The following COL25A1 variants were observed in gnomAD, a reference collection of about 807,000 sequenced individuals.
COL25A1 encodes the protein collagen type XXV alpha 1 chain, also known as collagen alpha-1(XXV) chain.
COL25A1 carries 103 observed loss-of-function variants against 128.4 expected under a neutral mutation model. That is an observed-to-expected ratio of 0.80 (90% CI 0.68 to 0.94). The LOEUF (loss-of-function observed/expected upper bound fraction) is 0.94. Among genes scored for constraint, COL25A1 ranks in the 40% least tolerant of loss-of-function variants. COL25A1 has a pLI of 0.00. For synonymous variants in COL25A1, 279 were observed against 277.2 expected, an observed-to-expected ratio of 1.01 and a Z score of -0.06; for missense variants, 745 against 840.0, an observed-to-expected ratio of 0.89 and a Z score of 1.40.
At chr4:109,100,898 T>C (rs1218452989) in intron 3 of COL25A1, among the ~76,000 whole-genome samples, 3 of 152,134 alleles carry the variant, frequency 2.0e-5, no homozygotes, top group Admixed American at 2.0e-4. Context: ...AAGGTAGACA[T>C]TCAGGCAGTG....
chr4:109,002,675 T>C (rs1273684028), intron 6 of COL25A1, among the ~76,000 whole-genome samples: 1 of 152,228 alleles, frequency 6.6e-6, no homozygotes, highest in Non-Finnish European at 1.5e-5. Flanking sequence ...TTGCACAATG[T>C]ATATGTATGT....
At chr4:109,196,801 G>C (rs1776083391) in intron 3 of COL25A1, among the ~76,000 whole-genome samples, 1 of 152,166 alleles carries the variant, frequency 6.6e-6, no homozygotes, top group Admixed American at 6.5e-5. Context: ...ATCACCTGCA[G>C]AGACATTTTG....
chr4:109,083,587 C>G (rs1036789331), intron 3 of COL25A1, among the ~76,000 whole-genome samples: 25 of 151,340 alleles, frequency 1.7e-4, no homozygotes, highest in Non-Finnish European at 3.2e-4. Flanking sequence ...CTCAGCCTCC[C>G]GAGTAGCTGG....
chr4:108,833,743 T>C (rs6829773), intron 31 of COL25A1, among the ~76,000 whole-genome samples: 84,084 of 151,986 alleles, frequency 0.55, 23,608 homozygotes, highest in Middle Eastern at 0.63. Context: ...GCTTAACTGA[T>C]ATTTTTCTTA....
intron 3 of COL25A1, among the ~76,000 whole-genome samples, chr4:109,298,900 A>T (rs1725245967): frequency 6.6e-6 from 1 of 152,180 alleles, no homozygotes; most frequent in Non-Finnish European, 1.5e-5. Flanking sequence ...ATCTCCATTT[A>T]TTATTACGTT....
intron 3 of COL25A1, among the ~76,000 whole-genome samples, chr4:109,188,146 T>C (rs894325622): frequency 2.4e-4 from 36 of 152,312 alleles, no homozygotes; most frequent in African/African-American, 8.7e-4. Flanking sequence ...GAGCCGATGT[T>C]CCGATGCTCC....
At chr4:109,142,668 C>T (rs1770529599) in intron 3 of COL25A1, among the ~76,000 whole-genome samples, 1 of 151,860 alleles carries the variant, frequency 6.6e-6, no homozygotes, top group African/African-American at 2.4e-5. Flanking sequence ...TAATGGCCTT[C>T]TTTGTCTTTT....
intron 8 of COL25A1, among the ~76,000 whole-genome samples, chr4:108,962,288 A>G (rs1750811722): frequency 6.6e-6 from 1 of 151,794 alleles, no homozygotes; most frequent in East Asian, 1.9e-4. Context: ...CCCGGGTTCA[A>G]GCGATTCTCC....
chr4:109,096,828 G>A (rs897954383), intron 3 of COL25A1, among the ~76,000 whole-genome samples: 3 of 152,080 alleles, frequency 2.0e-5, no homozygotes, highest in Admixed American at 2.0e-4. Context: ...CCCTGATTAT[G>A]GGACCAGTTG....
At chr4:109,280,932 G>A (rs1723320225) in intron 3 of COL25A1, among the ~76,000 whole-genome samples, 1 of 151,952 alleles carries the variant, frequency 6.6e-6, no homozygotes, top group African/African-American at 2.4e-5. Flanking sequence ...TAATGGTAAA[G>A]TGTCATAATA....
intron 13 of COL25A1, among the ~76,000 whole-genome samples, chr4:108,901,885 G>A (rs868119059): frequency 6.6e-6 from 1 of 152,134 alleles, no homozygotes; most frequent in African/African-American, 2.4e-5. Flanking sequence ...GTTTTCCAAA[G>A]AGACAAAGCT....
chr4:109,105,753 G>A (rs1208406404), intron 3 of COL25A1, among the ~76,000 whole-genome samples: 1 of 152,146 alleles, frequency 6.6e-6, no homozygotes, highest in Non-Finnish European at 1.5e-5. Context: ...CTTAAGGATG[G>A]TTCTCCCAAG....
At chr4:109,189,930 C>A (rs1261561911) in intron 3 of COL25A1, among the ~76,000 whole-genome samples, 2 of 152,024 alleles carry the variant, frequency 1.3e-5, no homozygotes, top group African/African-American at 4.8e-5. Flanking sequence ...TGTCCTATGC[C>A]TTTCCTTTCA....
chr4:109,077,224 T>G (rs1033785156), intron 3 of COL25A1, among the ~76,000 whole-genome samples: 1 of 152,174 alleles, frequency 6.6e-6, no homozygotes, highest in African/African-American at 2.4e-5. Context: ...GGAAAATTTT[T>G]AAAAACAATA....
At chr4:109,254,505 A>ATATATATATGTGTGTG (rs1383703429) in intron 3 of COL25A1, among the ~76,000 whole-genome samples, 5 of 104,990 alleles carry the variant, frequency 4.8e-5, no homozygotes, top group East Asian at 3.0e-4. Flanking sequence ...ATATATATAT[A>ATATATATATGTGTGTG]TGTATGTGTG....
intron 3 of COL25A1, among the ~76,000 whole-genome samples, chr4:109,182,109 C>T (rs1266948360): frequency 2.0e-5 from 3 of 152,050 alleles, no homozygotes; most frequent in Admixed American, 6.6e-5. Flanking sequence ...TTGACAGACA[C>T]TTAAGTTGAT....
At chr4:109,185,171 T>A (rs1296101545) in intron 3 of COL25A1, among the ~76,000 whole-genome samples, 3 of 152,194 alleles carry the variant, frequency 2.0e-5, no homozygotes, top group Non-Finnish European at 4.4e-5. Flanking sequence ...TAGCTTTACT[T>A]CCCCTAAAAT....
intron 3 of COL25A1, among the ~76,000 whole-genome samples, chr4:109,243,426 T>A (rs1009978977): frequency 6.6e-6 from 1 of 151,662 alleles, no homozygotes. Context: ...CTCTTTATCC[T>A]AAAAAAAATT....
chr4:109,147,194 C>T (rs1402685222), intron 3 of COL25A1, among the ~76,000 whole-genome samples: 1 of 152,200 alleles, frequency 6.6e-6, no homozygotes, highest in African/African-American at 2.4e-5. Context: ...CAATGATTAA[C>T]ACAATTTAAA....
Sources: gnomAD v4.1 joint callset for allele counts (sites outside exome capture counted in the v4.1 genomes callset) on GRCh38, gnomAD v4.1.1 for gene constraint, MANE v1.5 for transcripts, NCBI Gene and HGNC (gene_info 2026-07-23, HGNC 2026-07-21) for gene names.